Variants in IL1RN observed in about 807,000 individuals in gnomAD.
The protein encoded by IL1RN is interleukin 1 receptor antagonist.
In IL1RN, 10 loss-of-function variants were observed where a neutral mutation model predicts 13.7. The observed-to-expected ratio is 0.73, with a 90% CI of 0.45 to 1.24. The LOEUF is 1.24. Among genes scored for constraint, IL1RN ranks in the 50% most tolerant of loss-of-function variants. The pLI, the probability that IL1RN is intolerant of heterozygous loss-of-function variation, is 0.00. For synonymous variants in IL1RN, 102 were observed against 82.7 expected, an observed-to-expected ratio of 1.23 and a Z score of -1.27; for missense variants, 213 against 222.1, an observed-to-expected ratio of 0.96 and a Z score of 0.26.
intron 1 of IL1RN, 52 bp downstream of exon 1, chr2:113,127,792 A>G: frequency 6.3e-7 from 1 of 1,580,920 alleles, no homozygotes; most frequent in Non-Finnish European, 8.7e-7. Flanking sequence ...TGGAGACTGG[A>G]AACATATCAC....
intron 2 of IL1RN, among the ~76,000 whole-genome samples, chr2:113,122,000 T>C (rs987159506): frequency 2.6e-5 from 4 of 152,244 alleles, no homozygotes; most frequent in South Asian, 4.1e-4. Flanking sequence ...CTGGAGTCTT[T>C]GTAGCATTAT....
At chr2:113,128,196 C>A (rs1416907072) in intron 1 of IL1RN, among the ~76,000 whole-genome samples, 1 of 152,240 alleles carries the variant, frequency 6.6e-6, no homozygotes, top group East Asian at 1.9e-4. Flanking sequence ...GTCACGATAA[C>A]TCCTTGTGTG....
chr2:113,118,112 G>A, intron 1 of IL1RN: 1 of 1,607,486 alleles, frequency 6.2e-7, no homozygotes, highest in South Asian at 1.1e-5. Context: ...ATGCTTTCAG[G>A]CTCTGGTGAG....
upstream of IL1RN, among the ~76,000 whole-genome samples, chr2:113,116,838 C>G (rs36215121): frequency 1.3e-5 from 2 of 152,166 alleles, no homozygotes; most frequent in African/African-American, 4.8e-5. Context: ...TTATGTACTG[C>G]GTGTCATTCA....
At chr2:113,103,261 C>T (rs1002141393), upstream of IL1RN, among the ~76,000 whole-genome samples, 1 of 152,116 alleles carries the variant, frequency 6.6e-6, no homozygotes, top group Non-Finnish European at 1.5e-5. Context: ...AGTATTATGG[C>T]CCTCAAAGAC....
At chr2:113,128,587 G>C (rs1208592000) in intron 1 of IL1RN, among the ~76,000 whole-genome samples, 2 of 152,094 alleles carry the variant, frequency 1.3e-5, no homozygotes, top group Non-Finnish European at 2.9e-5. Flanking sequence ...GATCCTCCTG[G>C]AGGCCCCAGC....
At chr2:113,117,667 T>A, upstream of IL1RN, 1 of 456,702 alleles carries the variant, frequency 2.2e-6, no homozygotes. Flanking sequence ...GGGGTTGGGG[T>A]AAGCACGAAG....
At chr2:113,121,047 C>A (rs1219649961) in intron 2 of IL1RN, among the ~76,000 whole-genome samples, 5 of 126,404 alleles carry the variant, frequency 4.0e-5, no homozygotes, top group Admixed American at 8.3e-5. Flanking sequence ...TCTTCTTCCT[C>A]TTCTTCTTCT....
At chr2:113,109,233 GGA>G (rs1459660192), upstream of IL1RN, among the ~76,000 whole-genome samples, 1 of 151,752 alleles carries the variant, frequency 6.6e-6, no homozygotes, top group East Asian at 1.9e-4. Flanking sequence ...ACCAACATGG[GGA>G]AACCCCATCT....
chr2:113,126,546 TAGG>T (rs1399539986), upstream of IL1RN, among the ~76,000 whole-genome samples: 2 of 152,186 alleles, frequency 1.3e-5, no homozygotes, highest in Non-Finnish European at 2.9e-5. Context: ...ACCCATAAAA[TAGG>T]AGCATGCTTA....
chr2:113,099,402 CA>C, the IL1RN span, among the ~76,000 whole-genome samples: 23 of 152,364 alleles, frequency 1.5e-4, no homozygotes, highest in Non-Finnish European at 2.6e-4. Context: ...GTTTCACTCC[CA>C]CCATGCCCCA....
chr2:113,105,168 A>G (rs1385955463), upstream of IL1RN, among the ~76,000 whole-genome samples: 1 of 152,218 alleles, frequency 6.6e-6, no homozygotes, highest in Non-Finnish European at 1.5e-5. Context: ...GAACATATAT[A>G]GAAAGGCATG....
chr2:113,099,773 C>G, the IL1RN span, among the ~76,000 whole-genome samples: 164 of 101,108 alleles, frequency 1.6e-3, 2 homozygotes, highest in African/African-American at 5.5e-3. Flanking sequence ...CTCGCTCTGT[C>G]GCCCAGGCTG....
upstream of IL1RN, among the ~76,000 whole-genome samples, chr2:113,109,748 A>G (rs1301361962): frequency 6.1e-5 from 9 of 147,868 alleles, no homozygotes; most frequent in Non-Finnish European, 9.0e-5. Flanking sequence ...TGACACTTCT[A>G]AACTATTATG....
At chr2:113,117,179 G>C (rs189142550), upstream of IL1RN, among the ~76,000 whole-genome samples, 1 of 152,376 alleles carries the variant, frequency 6.6e-6, no homozygotes, top group East Asian at 1.9e-4. Flanking sequence ...AGCAGGGAGA[G>C]AGTATCTGGC....
Position 113,133,826 on chromosome 2 carries a change from T to A in IL1RN, c.*955T>A, listed in dbSNP as rs1017946254. 7 of 152,820 alleles carry A rather than the reference T, an allele frequency of 4.6e-5. No homozygotes were observed. Among genetic ancestry groups the A allele is most frequent in the African/African-American group, 1.7e-4 (7 of 41,424 alleles). The allele number at this position is 152,820 out of a possible 1,614,324, so 9.5% of individuals were successfully genotyped here. A position where few individuals can be genotyped will look rare whatever the true frequency, so the allele number is the denominator to read the frequency against. ...AAAGATGGCTGTGCCTCTGCCTGTC[T>A]CCCCCACCGGGCTGGGAGCTCTGCA... On this transcript the variant is annotated 3_prime_UTR_variant, in exon 4 of 4. Coordinates refer to ENST00000409930, the MANE Select transcript of IL1RN (RefSeq NM_173842.3).
intron 2 of IL1RN, 76 bp downstream of exon 2, chr2:113,129,740 G>A: frequency 2.1e-6 from 2 of 944,242 alleles, no homozygotes; most frequent in African/African-American, 1.6e-5. Context: ...AGCATGGCCT[G>A]CCTGCACAAA....
upstream of IL1RN, among the ~76,000 whole-genome samples, chr2:113,126,990 TC>T (rs1686983851): frequency 6.6e-6 from 1 of 152,232 alleles, no homozygotes; most frequent in South Asian, 2.1e-4. Flanking sequence ...TCCGGTCCAT[TC>T]CCCGCTTTTG....
At chr2:113,103,071 C>A (rs1251190281), upstream of IL1RN, among the ~76,000 whole-genome samples, 1 of 152,190 alleles carries the variant, frequency 6.6e-6, no homozygotes, top group Non-Finnish European at 1.5e-5. Flanking sequence ...GAATCAAAGA[C>A]ACAACTTCAC....
Sources: allele counts gnomAD v4.1 joint callset (sites outside exome capture counted in the v4.1 genomes callset), GRCh38; gene constraint gnomAD v4.1.1; transcripts MANE v1.5; gene names NCBI Gene and HGNC (gene_info 2026-07-23, HGNC 2026-07-21).